LRP1B: variants seen among roughly 807,000 people sequenced by gnomAD.
LRP1B encodes low-density lipoprotein receptor-related protein 1B.
LRP1B carries 217 observed loss-of-function variants against 556.6 expected under a neutral mutation model. The ratio of observed to expected loss-of-function variants is 0.39; its 90% CI spans 0.35 to 0.44. LRP1B has a LOEUF of 0.44. Among genes scored for constraint, LRP1B ranks in the 20% least tolerant of loss-of-function variants. LRP1B has a pLI of 1.00. For synonymous variants in LRP1B, 2,047 were observed against 1,865.8 expected, an observed-to-expected ratio of 1.10 and a Z score of -2.50; for missense variants, 5,053 against 5,620.8, an observed-to-expected ratio of 0.90 and a Z score of 3.23.
At chr2:141,286,912 G>A (rs908419262) in intron 3 of LRP1B, 5 of 236,464 alleles carry the variant, frequency 2.1e-5, no homozygotes, top group African/African-American at 9.2e-5. Context: ...AGCCATATGT[G>A]GCTACTGAGG....
At chr2:141,687,398 A>G (rs983995554) in intron 2 of LRP1B, among the ~76,000 whole-genome samples, 1 of 151,998 alleles carries the variant, frequency 6.6e-6, no homozygotes, top group Non-Finnish European at 1.5e-5. Context: ...AAGATGAATG[A>G]ATGGTTCCAA....
intron 32 of LRP1B, among the ~76,000 whole-genome samples, chr2:140,784,863 A>T (rs1446845098): frequency 6.6e-6 from 1 of 152,080 alleles, no homozygotes; most frequent in African/African-American, 2.4e-5. Context: ...ATGAAAGTTC[A>T]CCCTCTAAGT....
At chr2:141,046,127 A>G (rs1213318276) in intron 11 of LRP1B, among the ~76,000 whole-genome samples, 1 of 152,106 alleles carries the variant, frequency 6.6e-6, no homozygotes, top group East Asian at 1.9e-4. Context: ...TGTTGTTTTT[A>G]TTTCTTAAGA....
intron 34 of LRP1B, among the ~76,000 whole-genome samples, chr2:140,769,987 C>T (rs1046325031): frequency 6.6e-6 from 1 of 151,902 alleles, no homozygotes; most frequent in Non-Finnish European, 1.5e-5. Flanking sequence ...GAAGTACACA[C>T]TCTAATGCTT....
At chr2:141,471,982 G>A (rs1225104383) in intron 3 of LRP1B, among the ~76,000 whole-genome samples, 1 of 152,210 alleles carries the variant, frequency 6.6e-6, no homozygotes, top group Non-Finnish European at 1.5e-5. Flanking sequence ...ATCAAGAGTT[G>A]TAGAACATTA....
chr2:141,909,319 CAAAGT>C (rs760817979), intron 1 of LRP1B, among the ~76,000 whole-genome samples: 1 of 151,984 alleles, frequency 6.6e-6, no homozygotes, highest in Non-Finnish European at 1.5e-5. Context: ...TTATGGGAAA[CAAAGT>C]AAACTTCGAG....
chr2:141,608,976 A>G (rs1179881934), intron 2 of LRP1B, among the ~76,000 whole-genome samples: 1 of 152,178 alleles, frequency 6.6e-6, no homozygotes, highest in Non-Finnish European at 1.5e-5. Context: ...TTATTTGCTA[A>G]GTTGGATAGC....
intron 2 of LRP1B, among the ~76,000 whole-genome samples, chr2:141,605,241 A>G (rs1394046184): frequency 6.6e-6 from 1 of 152,122 alleles, no homozygotes; most frequent in Non-Finnish European, 1.5e-5. Flanking sequence ...TGTATTTTTA[A>G]AGGGTATAAA....
chr2:141,254,091 T>G (rs549078532), intron 4 of LRP1B, among the ~76,000 whole-genome samples: 1 of 152,230 alleles, frequency 6.6e-6, no homozygotes, highest in South Asian at 2.1e-4. Context: ...CATTATTACA[T>G]TATTATTGCT....
At chr2:140,314,705 G>T (rs72990623) in intron 83 of LRP1B, among the ~76,000 whole-genome samples, 116 of 152,128 alleles carry the variant, frequency 7.6e-4, no homozygotes, top group African/African-American at 2.7e-3. Context: ...TAAACACTGA[G>T]CCTGTCACAT....
At chr2:141,590,866 CAGCGTTACAGA>C (rs529057633) in intron 2 of LRP1B, among the ~76,000 whole-genome samples, 58 of 152,274 alleles carry the variant, frequency 3.8e-4, no homozygotes, top group African/African-American at 1.4e-3. Context: ...GACACCAACC[CAGCGTTACAGA>C]AGTCCTTTCC....
At chr2:140,815,828 G>T (rs1057201196) in intron 31 of LRP1B, among the ~76,000 whole-genome samples, 11 of 149,018 alleles carry the variant, frequency 7.4e-5, no homozygotes, top group African/African-American at 2.5e-4. Flanking sequence ...AAGCAATTTA[G>T]TTAAGAGGGG....
chr2:141,317,106 A>T (rs1378758721), intron 3 of LRP1B, among the ~76,000 whole-genome samples: 1 of 152,192 alleles, frequency 6.6e-6, no homozygotes, highest in Non-Finnish European at 1.5e-5. Flanking sequence ...GATTTGACAC[A>T]ATTGAATGAG....
chr2:141,477,311 A>AG (rs1392048897), intron 3 of LRP1B, among the ~76,000 whole-genome samples: 1 of 151,796 alleles, frequency 6.6e-6, no homozygotes, highest in Non-Finnish European at 1.5e-5. Context: ...AAAAAAAAAA[A>AG]AGAAAGAATT....
At chr2:140,576,657 C>G (rs1307632744) in intron 43 of LRP1B, among the ~76,000 whole-genome samples, 3 of 152,190 alleles carry the variant, frequency 2.0e-5, no homozygotes, top group Non-Finnish European at 4.4e-5. Context: ...TCTCCCAACA[C>G]TCATCACACC....
At chr2:140,983,655 T>G (rs531061617) in intron 17 of LRP1B, among the ~76,000 whole-genome samples, 1 of 152,240 alleles carries the variant, frequency 6.6e-6, no homozygotes, top group East Asian at 1.9e-4. Context: ...TTTTAAAGAT[T>G]ATCCAAGAAA....
rs115681004 is a variant in LRP1B, at chr2:141,182,819, G to A, written c.1013+5602C>T. Among the ~76,000 whole-genome samples, 463 of 151,658 alleles carry A rather than the reference G, an allele frequency of 3.1e-3. 3 individuals are homozygous for A. Among genetic ancestry groups the A allele is most frequent in the Non-Finnish European group, 5.2e-3 (353 of 67,820 alleles). On this transcript the variant is annotated intron_variant, in intron 7 of 90. Coordinates refer to ENST00000389484, the MANE Select transcript of LRP1B (RefSeq NM_018557.3). ...AAGTTAGGAAATCAACTTTTGTTACGGGGGGGAGTTGGTTGTAGGTATGTG... is the reference window on the plus strand; with the variant it reads ...AAGTTAGGAAATCAACTTTTGTTACAGGGGGGAGTTGGTTGTAGGTATGTG...
intron 3 of LRP1B, among the ~76,000 whole-genome samples, chr2:141,301,567 G>T (rs1312580949): frequency 6.6e-6 from 1 of 152,030 alleles, no homozygotes; most frequent in Non-Finnish European, 1.5e-5. Context: ...TCCCTATGAG[G>T]TACACTTTCT....
intron 3 of LRP1B, among the ~76,000 whole-genome samples, chr2:141,262,316 T>C (rs946008551): frequency 5.3e-5 from 8 of 152,014 alleles, no homozygotes; most frequent in African/African-American, 1.7e-4. Flanking sequence ...AGCGTGTATA[T>C]GTATTCTGGA....
Sources: allele counts gnomAD v4.1 joint callset (sites outside exome capture counted in the v4.1 genomes callset), GRCh38; gene constraint gnomAD v4.1.1; transcripts MANE v1.5; gene names NCBI Gene and HGNC (gene_info 2026-07-23, HGNC 2026-07-21).